CRY2: variants seen among roughly 807,000 people sequenced by gnomAD.
The protein encoded by CRY2 is cryptochrome-2.
A neutral mutation model predicts 69.5 loss-of-function variants in CRY2; 31 were observed. The observed-to-expected ratio is 0.45, with a 90% CI of 0.34 to 0.60. The LOEUF is 0.60. Ranked by LOEUF, CRY2 falls within the 20% of genes least tolerant of loss-of-function variation. The probability of loss-of-function intolerance (pLI) is 0.02; values close to 1 mark genes in which losing one functional copy is unlikely to be tolerated. For missense variants in CRY2, 606 were observed against 797.8 expected, an observed-to-expected ratio of 0.76 and a Z score of 2.90; for synonymous variants, 303 against 312.2, an observed-to-expected ratio of 0.97 and a Z score of 0.31.
chr11:45,859,428 G>T (rs147246873), intron 3 of CRY2, among the ~76,000 whole-genome samples: 2 of 152,150 alleles, frequency 1.3e-5, no homozygotes, highest in South Asian at 4.2e-4. Flanking sequence ...CATGCATGGT[G>T]GGACATGCCT....
chr11:45,880,427 T>G lies in CRY2; in HGVS notation c.*3-487T>G, dbSNP rs79436012. Among the ~76,000 whole-genome samples, 303 of 152,254 alleles carry G rather than the reference T, an allele frequency of 2.0e-3. 3 individuals are homozygous for G. The highest frequency in any genetic ancestry group is 7.1e-3 in the African/African-American group (293 of 41,530). Reference sequence around the variant, plus strand: ...CTTCCAGCACTGTGCCAGGGTGCTTTCATCTATATGTGGAAATGTGCTCAC... The same window carrying G: ...CTTCCAGCACTGTGCCAGGGTGCTTGCATCTATATGTGGAAATGTGCTCAC... On this transcript the variant is annotated intron_variant, in intron 11 of 11. Coordinates refer to ENST00000616080, the MANE Select transcript of CRY2 (RefSeq NM_021117.5).
At chr11:45,879,880 A>C (rs1370715040) in intron 11 of CRY2, among the ~76,000 whole-genome samples, 1 of 152,182 alleles carries the variant, frequency 6.6e-6, no homozygotes, top group Non-Finnish European at 1.5e-5. Flanking sequence ...TGTGGCTTAT[A>C]AACAGCCATC....
Position 45,861,143 on chromosome 11 carries a change from C to T in CRY2, c.652+111C>T, listed in dbSNP as rs2086285085. The stretch of plus-strand genomic sequence containing the variant: ...AGAAAGGTTAGAAAGCACAGGAAAA[C>T]AAAAATGGAAATGGCAGTCACTATT... On this transcript the variant is annotated intron_variant, in intron 4 of 11. Transcript: ENST00000616080. The T allele has an allele frequency of 2.4e-6, 3 of 1,275,092 alleles. No homozygotes were observed. In the South Asian group the frequency reaches 4.6e-5, roughly 20 times the overall value. The allele number at this position is 1,275,092 out of a possible 1,614,324, so 79.0% of individuals were successfully genotyped here. A position where few individuals can be genotyped will look rare whatever the true frequency, so the allele number is the denominator to read the frequency against.
At chr11:45,865,587 A>G (rs921623981) in intron 5 of CRY2, among the ~76,000 whole-genome samples, 1 of 152,228 alleles carries the variant, frequency 6.6e-6, no homozygotes, top group African/African-American at 2.4e-5. Flanking sequence ...TCAGTTAACC[A>G]GGTGAAGGTG....
intron 4 of CRY2, 198 bp from the exon 5 acceptor site, chr11:45,861,862 G>C (rs1397484147): frequency 1.7e-6 from 1 of 574,654 alleles, no homozygotes; most frequent in East Asian, 3.0e-5. Flanking sequence ...GGGTGCAGGG[G>C]AAAGCAGAGA....
chr11:45,870,937 G>A lies in CRY2; in HGVS notation c.1642+3G>A, dbSNP rs150408838. On this transcript the variant is annotated splice_donor_region_variant and intron_variant, in intron 10 of 11. Transcript: ENST00000616080. ...GGCTGGCAGCATGAGCAGTGCAGGT[G>A]AGCAGCAGCAACCAACCTCCTGTGG... 4.2e-3 allele frequency: 6,809 copies of A among 1,608,586 alleles called. 20 individuals are homozygous for A. The highest frequency in any genetic ancestry group is 4.9e-3 in the Non-Finnish European group (5,748 of 1,179,418).
In CRY2 at chr11:45,870,828, C is replaced by T. The variant is rs776464317; in HGVS notation, c.1550-14C>T. 102 of 1,605,670 alleles carry T rather than the reference C, an allele frequency of 6.4e-5. No individual in the cohort carries two copies. Among genetic ancestry groups the T allele is most frequent in the East Asian group, 1.1e-4 (5 of 44,846 alleles). ...GCGAGACGGCACTCTGATTACTCCT[C>T]GCCTCTCTCCCAGGTCTACTGGCAT... is the stretch of plus-strand genomic sequence containing the variant. On this transcript the variant is annotated splice_polypyrimidine_tract_variant and intron_variant, in intron 9 of 11. Coordinates refer to ENST00000616080, the MANE Select transcript of CRY2 (RefSeq NM_021117.5).
chr11:45,851,469 A>T (rs2086198891), intron 1 of CRY2, among the ~76,000 whole-genome samples: 1 of 152,032 alleles, frequency 6.6e-6, no homozygotes, highest in Non-Finnish European at 1.5e-5. Context: ...GACTGTTGGG[A>T]AGTGGATTGA....
At chr11:45,879,451 T>G (rs530010199) in intron 11 of CRY2, among the ~76,000 whole-genome samples, 1 of 152,352 alleles carries the variant, frequency 6.6e-6, no homozygotes, top group African/African-American at 2.4e-5. Context: ...TTAATTCACA[T>G]GTATGTCTGT....
Position 45,858,821 on chromosome 11 carries a change from G to A in CRY2, c.415G>A (p.Ala139Thr). ...AGCCATCATGAAGATGGCCAAGGAG[G>A]CTGGTGTGGAAGTAGTGACGGAGAA... ...DAAIMKMAKE[A>T]GVEVVTENSH... Residue 139 changes from alanine (A) to threonine (T), a missense_variant, in exon 3 of 12, where the codon GCT becomes ACT. Physicochemically the swap from Ala to Thr is moderately conservative, Grantham distance 58 (BLOSUM62 0). Transcript: ENST00000616080. 1.2e-6 allele frequency: 2 copies of A among 1,614,208 alleles called. No individual in the cohort carries two copies. Among genetic ancestry groups the A allele is most frequent in the Non-Finnish European group, 1.7e-6 (2 of 1,180,048 alleles).
At position 45,867,881 on chromosome 11, in the gene CRY2, G is replaced by T. The variant is rs894721576; in HGVS notation, c.882+129G>T. On this transcript the variant is annotated intron_variant, in intron 6 of 11. Transcript: ENST00000616080. ...ATGGCCCCTGGAAGGGCCTAAGTGT[G>T]TGCAGATAGTCCGGAGGAGGAGAGA... 4.5e-5 allele frequency: 54 copies of T among 1,213,038 alleles called. 2 individuals are homozygous for T. The South Asian group carries it at 5.6e-4, about 13-fold the overall frequency. The allele number at this position is 1,213,038 out of a possible 1,614,324, so 75.1% of individuals were successfully genotyped here.
chr11:45,873,427 C>G (rs2086401982), intron 11 of CRY2, among the ~76,000 whole-genome samples: 1 of 152,184 alleles, frequency 6.6e-6, no homozygotes, highest in South Asian at 2.1e-4. Flanking sequence ...TATCTTGTTC[C>G]TGGGAGTACC....
At chr11:45,847,916 G>T (rs2086165044) in intron 1 of CRY2, among the ~76,000 whole-genome samples, 1 of 152,200 alleles carries the variant, frequency 6.6e-6, no homozygotes, top group African/African-American at 2.4e-5. Flanking sequence ...ACCCCTTTGA[G>T]CCTCACAACT....
chr11:45,859,539 G>T lies in CRY2; in HGVS notation c.467+666G>T, dbSNP rs1169917934. Among the ~76,000 whole-genome samples the T allele has an allele frequency of 5.7e-5, 8 of 141,356 alleles. No individual in the cohort carries two copies. The East Asian group carries it at 1.2e-3, about 21-fold the overall frequency. 92.7% of individuals were successfully genotyped at this position (141,356 alleles called of 152,430 possible). ...ATCATGCCACGTCACTCCAGCCTGG[G>T]TGACAGAGCAAGATCCTGTGTCAAA... is the stretch of plus-strand genomic sequence containing the variant. On this transcript the variant is annotated intron_variant, in intron 3 of 11. Transcript: ENST00000616080.
At chr11:45,869,470 G>T (rs780617703) in intron 6 of CRY2, 36 bp from the exon 7 acceptor site, 2 of 1,568,126 alleles carry the variant, frequency 1.3e-6, no homozygotes, top group Non-Finnish European at 1.7e-6. Context: ...AGAGCTGGGC[G>T]AGTGTTTGTA....
intron 4 of CRY2, chr11:45,861,272 C>T (rs772294758): frequency 2.0e-6 from 1 of 489,436 alleles, no homozygotes; most frequent in Non-Finnish European, 3.6e-6. Context: ...GGTTCTAGAT[C>T]ATGCCTCTAT....
At position 45,869,918 on chromosome 11, in the gene CRY2, C is replaced by G. The variant is rs188733794; in HGVS notation, c.1194+101C>G. The G allele has an allele frequency of 1.7e-3, 2,538 of 1,514,186 alleles. 24 individuals carry two copies. The African/African-American group carries it at 0.019, about 11-fold the overall frequency. 93.8% of individuals were successfully genotyped at this position (1,514,186 alleles called of 1,614,324 possible). Reference sequence around the variant, plus strand: ...GAGGGATGAGGTGGGATTTCTGGGTCCAGGAGATCCCCTCCAGATCCTCTG... The same window carrying G: ...GAGGGATGAGGTGGGATTTCTGGGTGCAGGAGATCCCCTCCAGATCCTCTG... On this transcript the variant is annotated intron_variant, in intron 7 of 11. Transcript: ENST00000616080.
At chr11:45,851,620 G>GTAATTT (rs1287488214) in intron 1 of CRY2, among the ~76,000 whole-genome samples, 1 of 152,082 alleles carries the variant, frequency 6.6e-6, no homozygotes, top group Non-Finnish European at 1.5e-5. Flanking sequence ...CTTTCTCTTT[G>GTAATTT]AAATTAGGAA....
At chr11:45,852,070 T>C (rs1449644881) in intron 1 of CRY2, among the ~76,000 whole-genome samples, 1 of 152,240 alleles carries the variant, frequency 6.6e-6, no homozygotes, top group Non-Finnish European at 1.5e-5. Context: ...AGTTATAGTG[T>C]CCTCTCTATA....
Sources: gnomAD v4.1 joint callset for allele counts (sites outside exome capture counted in the v4.1 genomes callset) on GRCh38, gnomAD v4.1.1 for gene constraint, MANE v1.5 for transcripts, NCBI Gene and HGNC (gene_info 2026-07-23, HGNC 2026-07-21) for gene names.